DOK6: variants seen among roughly 807,000 people sequenced by gnomAD.
DOK6 encodes downstream of tyrosine kinase 6.
DOK6 carries 22 observed loss-of-function variants against 44.0 expected under a neutral mutation model. The ratio of observed to expected loss-of-function variants is 0.50; its 90% CI spans 0.36 to 0.71. DOK6 has a LOEUF of 0.71. DOK6 is among the 30% of genes least tolerant of loss of function. The probability of loss-of-function intolerance (pLI) is 0.00; values close to 1 mark genes in which losing one functional copy is unlikely to be tolerated. For missense variants in DOK6, 340 were observed against 416.4 expected, an observed-to-expected ratio of 0.82 and a Z score of 1.60; for synonymous variants, 166 against 145.5, an observed-to-expected ratio of 1.14 and a Z score of -1.01.
At chr18:69,650,661 AG>A (rs1568322265) in intron 3 of DOK6, among the ~76,000 whole-genome samples, 1 of 152,242 alleles carries the variant, frequency 6.6e-6, no homozygotes, top group Non-Finnish European at 1.5e-5. Flanking sequence ...CAGTTATGCC[AG>A]AAGAATAAAT....
intron 3 of DOK6, among the ~76,000 whole-genome samples, chr18:69,655,775 AAAAAAAAAC>A (rs1985348740): frequency 6.8e-6 from 1 of 147,986 alleles, no homozygotes; most frequent in African/African-American, 2.5e-5. Flanking sequence ...AAAAAAAAAA[AAAAAAAAAC>A]AAAAGAACAA....
intron 3 of DOK6, among the ~76,000 whole-genome samples, chr18:69,641,592 ATAATC>A (rs1462463110): frequency 6.6e-6 from 1 of 152,192 alleles, no homozygotes; most frequent in Middle Eastern, 3.2e-3. Flanking sequence ...TGCACCTAAC[ATAATC>A]ATTATTTGAC....
chr18:69,847,397 A>G lies in DOK6; in HGVS notation c.*6014A>G, dbSNP rs960214592. On this transcript the variant is annotated 3_prime_UTR_variant, in exon 8 of 8. Coordinates refer to ENST00000382713, the MANE Select transcript of DOK6 (RefSeq NM_152721.6). Reference sequence around the variant, plus strand: ...TGTAGCTGTGCTAATGTTAGGATTGAATTGTTCTATTAATTCCCTCAAGAG... The same window carrying G: ...TGTAGCTGTGCTAATGTTAGGATTGGATTGTTCTATTAATTCCCTCAAGAG... 1.3e-5 allele frequency: 2 copies of G among 152,296 alleles called. No individual in the cohort carries two copies. The highest frequency in any genetic ancestry group is 4.1e-4 in the South Asian group (2 of 4,826). The allele number at this position is 152,296 out of a possible 1,614,324, so 9.4% of individuals were successfully genotyped here.
intron 1 of DOK6, among the ~76,000 whole-genome samples, chr18:69,413,514 G>A: frequency 6.6e-6 from 1 of 152,100 alleles, no homozygotes; most frequent in Non-Finnish European, 1.5e-5. Flanking sequence ...ATTTGATAAA[G>A]AGGAATGCCT....
At chr18:69,821,248 C>G (rs1271040643) in intron 7 of DOK6, among the ~76,000 whole-genome samples, 2 of 152,096 alleles carry the variant, frequency 1.3e-5, no homozygotes, top group Non-Finnish European at 2.9e-5. Flanking sequence ...CTCATACTCC[C>G]TGCATCACAC....
chr18:69,564,713 T>G, intron 2 of DOK6, 119 bp downstream of exon 2: 1 of 745,420 alleles, frequency 1.3e-6, no homozygotes, highest in South Asian at 1.9e-5. Flanking sequence ...AAAAATGCCC[T>G]TTTCTGATAA....
chr18:69,442,250 A>ACTC (rs1414422475), intron 1 of DOK6, among the ~76,000 whole-genome samples: 1 of 152,068 alleles, frequency 6.6e-6, no homozygotes, highest in African/African-American at 2.4e-5. Context: ...ATCTTCAAAG[A>ACTC]CTCTTAATAT....
rs1980722614 is a variant in DOK6 at position 69,795,659 on chromosome 18, C to T, written c.856+37786C>T. On this transcript the variant is annotated intron_variant, in intron 7 of 7. Transcript: ENST00000382713. ...CACCAACTGTGTGCTAGGCAAAAGG[C>T]CAGGCCCTCTTTTTAATAAAGTTCG... Among the ~76,000 whole-genome samples the T allele has an allele frequency of 2.0e-5, 3 of 152,126 alleles. No homozygotes were observed. The South Asian group carries it at 6.2e-4, about 31-fold the overall frequency.
At chr18:69,735,554 G>A (rs1275708746) in intron 5 of DOK6, among the ~76,000 whole-genome samples, 1 of 152,236 alleles carries the variant, frequency 6.6e-6, no homozygotes, top group African/African-American at 2.4e-5. Flanking sequence ...GCAATGACGT[G>A]TGACAACACA....
intron 1 of DOK6, among the ~76,000 whole-genome samples, chr18:69,487,480 T>C (rs1251533521): frequency 1.3e-5 from 2 of 152,118 alleles, no homozygotes; most frequent in Non-Finnish European, 2.9e-5. Context: ...TGGTTTACTT[T>C]TTCCAGGTTT....
At chr18:69,540,461 T>C (rs1982238779) in intron 1 of DOK6, among the ~76,000 whole-genome samples, 1 of 152,198 alleles carries the variant, frequency 6.6e-6, no homozygotes, top group Non-Finnish European at 1.5e-5. Context: ...TGATTTACTA[T>C]TCATTGCAAT....
At chr18:69,748,555 G>C (rs556549750) in intron 6 of DOK6, among the ~76,000 whole-genome samples, 26 of 152,278 alleles carry the variant, frequency 1.7e-4, no homozygotes, top group Non-Finnish European at 2.9e-4. Context: ...TAGAACTCAA[G>C]ATTAAGAAAC....
At chr18:69,573,882 T>A (rs1200596491) in intron 2 of DOK6, among the ~76,000 whole-genome samples, 3 of 152,016 alleles carry the variant, frequency 2.0e-5, no homozygotes, top group East Asian at 3.8e-4. Context: ...TCAAATGTGA[T>A]CTATTCTTCC....
intron 1 of DOK6, among the ~76,000 whole-genome samples, chr18:69,540,473 A>T (rs1441219024): frequency 6.6e-6 from 1 of 152,170 alleles, no homozygotes; most frequent in East Asian, 1.9e-4. Flanking sequence ...CATTGCAATC[A>T]AAATTTAACT....
intron 1 of DOK6, among the ~76,000 whole-genome samples, chr18:69,416,543 A>G (rs1254981771): frequency 6.6e-6 from 1 of 152,032 alleles, no homozygotes; most frequent in Admixed American, 6.6e-5. Context: ...CTAGAAATGC[A>G]GCAGAAAGTG....
At chr18:69,470,856 A>T (rs1980079938) in intron 1 of DOK6, among the ~76,000 whole-genome samples, 1 of 152,224 alleles carries the variant, frequency 6.6e-6, no homozygotes. Context: ...TAAAGCAGTC[A>T]GGTCCTGTTA....
rs146569092 is a variant in DOK6 at position 69,821,240 on chromosome 18, C to T, written c.857-20004C>T. On this transcript the variant is annotated intron_variant, in intron 7 of 7. Coordinates refer to ENST00000382713, the MANE Select transcript of DOK6 (RefSeq NM_152721.6). ...CATGTCTGAGTCTCGACTTGCTGCTCATACTCCCTGCATCACACTTCCTAT... is the reference window on the plus strand; with the variant it reads ...CATGTCTGAGTCTCGACTTGCTGCTTATACTCCCTGCATCACACTTCCTAT... Among the ~76,000 whole-genome samples, 438 of 152,212 alleles carry T rather than the reference C, an allele frequency of 2.9e-3. 2 individuals are homozygous for T. The highest frequency in any genetic ancestry group is 6.4e-3 in the Admixed American group (97 of 15,262).
intron 7 of DOK6, among the ~76,000 whole-genome samples, chr18:69,769,929 C>T (rs752054281): frequency 6.6e-5 from 10 of 152,016 alleles, no homozygotes; most frequent in African/African-American, 1.4e-4. Flanking sequence ...AAACAGATTG[C>T]ATGGTCTGAA....
At chr18:69,722,040 C>A (rs561604481) in intron 5 of DOK6, among the ~76,000 whole-genome samples, 2 of 152,162 alleles carry the variant, frequency 1.3e-5, no homozygotes, top group African/African-American at 2.4e-5. Context: ...CGTGGGAAAC[C>A]GAAACCTCCC....
Sources: allele counts gnomAD v4.1 joint callset (sites outside exome capture counted in the v4.1 genomes callset), GRCh38; gene constraint gnomAD v4.1.1; transcripts MANE v1.5; gene names NCBI Gene and HGNC (gene_info 2026-07-23, HGNC 2026-07-21).